NFKB1: variants seen among roughly 807,000 people sequenced by gnomAD.
NFKB1 encodes nuclear factor kappa B subunit 1, also known as nuclear factor NF-kappa-B p105 subunit.
A neutral mutation model predicts 105.1 loss-of-function variants in NFKB1; 9 were observed. That is an observed-to-expected ratio of 0.09 (90% CI 0.05 to 0.15). The LOEUF is 0.15. NFKB1 is among the 10% of genes least tolerant of loss of function. The probability of loss-of-function intolerance (pLI) is 1.00; values close to 1 mark genes in which losing one functional copy is unlikely to be tolerated. For synonymous variants in NFKB1, 440 were observed against 442.2 expected, an observed-to-expected ratio of 1.00 and a Z score of 0.06; for missense variants, 830 against 1,203.7, an observed-to-expected ratio of 0.69 and a Z score of 4.59.
rs200893106 is a variant in NFKB1, at chr4:102,578,957, G to A, written c.648G>A (p.Met216Ile). ...TGGACCTCAGCGTGGTGCGGCTCAT[G>A]TTTACAGCTTTTCTTCCGGATAGCA... is the stretch of plus-strand genomic sequence containing the variant. Reference protein sequence around the residue: ...KEMDLSVVRLMFTAFLPDSTG... With the variant: ...KEMDLSVVRLIFTAFLPDSTG... The change falls in exon 8 of 24, where the codon ATG (methionine) becomes ATA (isoleucine). Residue 216 changes from methionine to isoleucine, a missense_variant. Physicochemically the swap from Met to Ile is conservative, Grantham distance 10. Around this residue, in one of 8 missense-constraint regions of NFKB1, gnomAD observed 80 missense variants for 122.6 expected, o/e 0.65. Coordinates refer to ENST00000226574, the MANE Select transcript of NFKB1 (RefSeq NM_003998.4). 2 of 1,614,036 alleles carry A rather than the reference G, an allele frequency of 1.2e-6. No individual in the cohort carries two copies. The highest frequency in any genetic ancestry group is 2.7e-5 in the African/African-American group (2 of 74,928).
At chr4:102,575,363 C>A (rs369574270) in intron 6 of NFKB1, among the ~76,000 whole-genome samples, 4 of 152,302 alleles carry the variant, frequency 2.6e-5, no homozygotes, top group African/African-American at 9.6e-5. Flanking sequence ...CCTACTTTAT[C>A]TGACCTTCCT....
intron 11 of NFKB1, among the ~76,000 whole-genome samples, chr4:102,590,174 G>A (rs906718690): frequency 5.3e-5 from 8 of 152,062 alleles, no homozygotes; most frequent in African/African-American, 1.7e-4. Context: ...ACTTATGTCC[G>A]CATTGTCTCT....
intron 7 of NFKB1, chr4:102,578,030 T>C: frequency 2.0e-6 from 2 of 978,492 alleles, no homozygotes; most frequent in Non-Finnish European, 2.4e-6. Flanking sequence ...ATTTCCAATC[T>C]ATTTCCCGTT....
intron 5 of NFKB1, among the ~76,000 whole-genome samples, chr4:102,538,472 G>A (rs1302146441): frequency 6.6e-6 from 1 of 152,106 alleles, no homozygotes; most frequent in Non-Finnish European, 1.5e-5. Flanking sequence ...TACTTCATAA[G>A]GTCCTTTAGA....
intron 23 of NFKB1, among the ~76,000 whole-genome samples, chr4:102,614,397 C>A (rs936810301): frequency 1.3e-5 from 2 of 152,168 alleles, no homozygotes; most frequent in African/African-American, 2.4e-5. Flanking sequence ...ACTAGGTCAC[C>A]TAGCAAGCAT....
At chr4:102,571,147 T>C (rs1254503841) in intron 6 of NFKB1, among the ~76,000 whole-genome samples, 3 of 152,062 alleles carry the variant, frequency 2.0e-5, no homozygotes, top group Non-Finnish European at 4.4e-5. Flanking sequence ...TATAGACCAA[T>C]GGAACAGAAC....
Position 102,501,741 on chromosome 4 carries a change from G to C in NFKB1, c.-55G>C, listed in dbSNP as rs1162296002. The C allele has an allele frequency of 6.6e-6, 1 of 152,222 alleles. No individual in the cohort carries two copies. The highest frequency in any genetic ancestry group is 1.5e-5 in the Non-Finnish European group (1 of 68,102). 9.4% of individuals were successfully genotyped at this position (152,222 alleles called of 1,614,324 possible). A position where few individuals can be genotyped will look rare whatever the true frequency, so the allele number is the denominator to read the frequency against. On this transcript the variant is annotated 5_prime_UTR_variant, in exon 1 of 24. Transcript: ENST00000226574. Reference sequence around the variant, plus strand: ...GCCGGCAGGCCCGCGCCGCTTAGGAGGGAGAGCCCACCCGCGCCAGGAGGC... The same window carrying C: ...GCCGGCAGGCCCGCGCCGCTTAGGACGGAGAGCCCACCCGCGCCAGGAGGC...
intron 7 of NFKB1, chr4:102,578,125 G>A (rs1467989836): frequency 3.2e-6 from 1 of 315,428 alleles, no homozygotes; most frequent in African/African-American, 2.3e-5. Flanking sequence ...TTCTATTTTT[G>A]CTCTCTCCTC....
intron 15 of NFKB1, among the ~76,000 whole-genome samples, chr4:102,598,930 A>C (rs1726885829): frequency 6.6e-6 from 1 of 152,208 alleles, no homozygotes; most frequent in South Asian, 2.1e-4. Flanking sequence ...TGGGACTTGG[A>C]GAGACCAGAG....
chr4:102,613,713 C>A (rs1728665933), intron 23 of NFKB1, 132 bp downstream of exon 23: 3 of 1,080,264 alleles, frequency 2.8e-6, no homozygotes, highest in African/African-American at 1.6e-5. Context: ...TGTCTCTCTA[C>A]CCCCTGGGCT....
chr4:102,547,751 C>CA (rs1278949985), intron 5 of NFKB1, among the ~76,000 whole-genome samples: 17 of 152,048 alleles, frequency 1.1e-4, no homozygotes, highest in African/African-American at 4.1e-4. Flanking sequence ...AAAACCTTCA[C>CA]CAGTCTATTA....
At chr4:102,528,143 T>A (rs1741045430) in intron 2 of NFKB1, among the ~76,000 whole-genome samples, 1 of 152,146 alleles carries the variant, frequency 6.6e-6, no homozygotes, top group South Asian at 2.1e-4. Context: ...TCTCTCTTAG[T>A]CTGAAGTGAA....
At chr4:102,597,727 A>C in intron 15 of NFKB1, 66 bp downstream of exon 15, 5 of 1,497,546 alleles carry the variant, frequency 3.3e-6, no homozygotes, top group Non-Finnish European at 4.5e-6. Flanking sequence ...CGTATAATGC[A>C]TACTGACTAG....
chr4:102,547,680 C>A (rs1722245442), intron 5 of NFKB1, among the ~76,000 whole-genome samples: 1 of 152,122 alleles, frequency 6.6e-6, no homozygotes, highest in Non-Finnish European at 1.5e-5. Flanking sequence ...TAACCAAATA[C>A]ACTACTACAA....
intron 6 of NFKB1, among the ~76,000 whole-genome samples, chr4:102,576,436 TA>T (rs1177966143): frequency 6.6e-6 from 1 of 152,204 alleles, no homozygotes; most frequent in East Asian, 1.9e-4. Flanking sequence ...TTAAGACATA[TA>T]GACACATATG....
intron 4 of NFKB1, 116 bp downstream of exon 4, chr4:102,534,001 A>C: frequency 2.4e-6 from 2 of 845,754 alleles, no homozygotes; most frequent in Non-Finnish European, 3.7e-6. Context: ...CTGAAAGATC[A>C]ACAACCTGAC....
chr4:102,573,508 G>A (rs978917815), intron 6 of NFKB1, among the ~76,000 whole-genome samples: 1 of 151,848 alleles, frequency 6.6e-6, no homozygotes, highest in Non-Finnish European at 1.5e-5. Flanking sequence ...TGATTATATG[G>A]ATATTAGCAT....
At chr4:102,589,485 T>C (rs1424102963) in intron 11 of NFKB1, among the ~76,000 whole-genome samples, 1 of 152,106 alleles carries the variant, frequency 6.6e-6, no homozygotes, top group Non-Finnish European at 1.5e-5. Flanking sequence ...TTTTTTTTTT[T>C]CCTGGGAAGT....
chr4:102,597,471 A>T (rs1419075043), intron 14 of NFKB1, 49 bp from the exon 15 acceptor site: 1 of 1,559,480 alleles, frequency 6.4e-7, no homozygotes, highest in Non-Finnish European at 8.7e-7. Context: ...CCATACCCAT[A>T]AAACAAAAGT....
Sources: gnomAD v4.1 joint callset for allele counts (sites outside exome capture counted in the v4.1 genomes callset) on GRCh38, gnomAD v4.1.1 for gene constraint, gnomAD v4.1.1 regional missense constraint, MANE v1.5 for transcripts, NCBI Gene and HGNC (gene_info 2026-07-23, HGNC 2026-07-21) for gene names.